Variants in PUM2 observed in about 807,000 individuals in gnomAD.
PUM2 encodes pumilio homolog 2.
Under a neutral mutation model 124.5 loss-of-function variants are expected in PUM2, and 57 were observed. The ratio of observed to expected loss-of-function variants is 0.46; its 90% confidence interval spans 0.37 to 0.57. The LOEUF is 0.57. Ranked by LOEUF, PUM2 falls within the 20% of genes least tolerant of loss-of-function variation. PUM2 has a pLI of 0.00. For missense variants in PUM2, 1,065 were observed against 1,290.6 expected (o/e 0.83, Z 2.68); for synonymous variants, 460 against 446.1 (o/e 1.03, Z -0.39).
intron 7 of PUM2, among the ~76,000 whole-genome samples, chr2:20,304,298 T>C (rs1211304412): frequency 2.0e-5 from 3 of 152,176 alleles, no homozygotes; most frequent in Non-Finnish European, 4.4e-5. Flanking sequence ...CTCTAGGAAC[T>C]CTCCAACCAA....
intron 13 of PUM2, among the ~76,000 whole-genome samples, chr2:20,265,325 G>A (rs1300718634): frequency 6.6e-6 from 1 of 151,798 alleles, no homozygotes; most frequent in Non-Finnish European, 1.5e-5. Context: ...TTCTTGTTTG[G>A]TCCAGTTATA....
At chr2:20,290,619 T>C (rs1202184812) in intron 10 of PUM2, 33 bp downstream of exon 10, 36 of 1,574,918 alleles carry the variant, frequency 2.3e-5, no homozygotes, top group Non-Finnish European at 3.0e-5. Context: ...ATCTGAAATC[T>C]ATTCAAATTT....
chr2:20,335,853 C>T (rs78195318), intron 1 of PUM2, among the ~76,000 whole-genome samples: 4,826 of 152,284 alleles, frequency 0.032, 252 homozygotes, highest in African/African-American at 0.11. Flanking sequence ...ATCATTTAGA[C>T]AAATCTATAT....
At chr2:20,318,970 T>C (rs547402469) in intron 2 of PUM2, among the ~76,000 whole-genome samples, 1 of 152,328 alleles carries the variant, frequency 6.6e-6, no homozygotes, top group African/African-American at 2.4e-5. Context: ...AATAAGCACA[T>C]CCATAGGAAT....
intron 2 of PUM2, among the ~76,000 whole-genome samples, chr2:20,326,018 C>A (rs753774906): frequency 6.6e-6 from 1 of 152,134 alleles, no homozygotes; most frequent in Non-Finnish European, 1.5e-5. Flanking sequence ...ATATGTTATT[C>A]TGCTTTTTAA....
intron 13 of PUM2, among the ~76,000 whole-genome samples, chr2:20,275,290 A>C (rs1206420371): frequency 6.6e-6 from 1 of 152,058 alleles, no homozygotes; most frequent in Admixed American, 6.6e-5. Flanking sequence ...AATTATCCCC[A>C]AAATCTACCC....
At chr2:20,308,798 G>T (rs1479349969) in intron 5 of PUM2, among the ~76,000 whole-genome samples, 1 of 151,786 alleles carries the variant, frequency 6.6e-6, no homozygotes, top group Non-Finnish European at 1.5e-5. Flanking sequence ...TATTATTAAT[G>T]ATTACTCCCT....
intron 12 of PUM2, among the ~76,000 whole-genome samples, chr2:20,280,480 A>T (rs1671256841): frequency 6.6e-6 from 1 of 151,380 alleles, no homozygotes; most frequent in Non-Finnish European, 1.5e-5. Flanking sequence ...TTTCTAAAAT[A>T]TGGCTACATT....
chr2:20,348,582 T>C (rs889253817), intron 1 of PUM2, among the ~76,000 whole-genome samples: 1 of 152,226 alleles, frequency 6.6e-6, no homozygotes, highest in Non-Finnish European at 1.5e-5. Context: ...ATTACTTTTG[T>C]TAACTAAGAT....
chr2:20,350,384 C>G (rs944495793), intron 1 of PUM2: 5 of 783,424 alleles, frequency 6.4e-6, no homozygotes, highest in Non-Finnish European at 7.7e-6. Flanking sequence ...GCCGGCGCGG[C>G]GCCCCCTCCC....
At chr2:20,291,838 T>C (rs1004796374) in intron 9 of PUM2, among the ~76,000 whole-genome samples, 4 of 152,144 alleles carry the variant, frequency 2.6e-5, no homozygotes, top group African/African-American at 9.7e-5. Context: ...TGTCGCCCAT[T>C]TGGTGACCAT....
intron 3 of PUM2, among the ~76,000 whole-genome samples, chr2:20,313,214 G>A (rs565591712): frequency 1.3e-5 from 2 of 152,336 alleles, no homozygotes; most frequent in African/African-American, 2.4e-5. Context: ...ATTGGCAAAT[G>A]GGATCTAATT....
intron 2 of PUM2, chr2:20,326,236 C>G: frequency 7.7e-7 from 1 of 1,295,476 alleles, no homozygotes; most frequent in Non-Finnish European, 1.0e-6. Flanking sequence ...TTTGGCAATA[C>G]TTAAGCTTAA....
chr2:20,295,412 A>AG (rs992454770), intron 8 of PUM2, among the ~76,000 whole-genome samples: 2 of 152,174 alleles, frequency 1.3e-5, no homozygotes, highest in Admixed American at 6.5e-5. Flanking sequence ...TTGCATTCAA[A>AG]GGGGAAAAAA....
At chr2:20,332,918 A>C (rs1439969796) in intron 1 of PUM2, 1 of 152,178 alleles carries the variant, frequency 6.6e-6, no homozygotes, top group Non-Finnish European at 1.5e-5. Context: ...TGCATTATTA[A>C]GGCTCAAATC....
rs371869220 is a variant in PUM2, at chr2:20,275,830, A to C, written c.1957+2753T>G. On this transcript the variant is annotated intron_variant, in intron 13 of 20. Transcript: ENST00000361078. ...AAGTTTCTTCATCAAATAAATGGAAAGGGAAAAAAAAGATGAAGGAAAAAC... is the reference window on the plus strand; with the variant it reads ...AAGTTTCTTCATCAAATAAATGGAACGGGAAAAAAAAGATGAAGGAAAAAC... 9.1e-4 allele frequency among the ~76,000 whole-genome samples: 138 copies of C among 152,212 alleles called. No individual in the cohort carries two copies. In the Middle Eastern group the frequency reaches 0.02, roughly 23 times the overall value.
chr2:20,322,208 T>C (rs1682541632), intron 2 of PUM2, among the ~76,000 whole-genome samples: 2 of 152,128 alleles, frequency 1.3e-5, no homozygotes, highest in African/African-American at 4.8e-5. Context: ...CATGAGAAGA[T>C]ATAGATCTGA....
In PUM2 at chr2:20,350,813, A is replaced by T. The variant is rs1364165794; in HGVS notation, c.-235T>A. 1 of 979,940 alleles carries T rather than the reference A, an allele frequency of 1.0e-6. No homozygotes were observed. The highest frequency in any genetic ancestry group is 1.2e-6 in the Non-Finnish European group (1 of 826,764). 60.7% of individuals were successfully genotyped at this position (979,940 alleles called of 1,614,324 possible). ...AGGGTGAGACACAGAGACTCACAAC[A>T]ACATGGCTGCCACCGCCGCCTGCCC... is the stretch of plus-strand genomic sequence containing the variant. On this transcript the variant is annotated 5_prime_UTR_variant, in exon 1 of 21. An upstream open reading frame in the 5' UTR gains an earlier in-frame stop. Coordinates refer to ENST00000361078, the MANE Select transcript of PUM2 (RefSeq NM_015317.5).
intron 13 of PUM2, among the ~76,000 whole-genome samples, chr2:20,273,735 G>A (rs1243921857): frequency 6.6e-6 from 1 of 152,022 alleles, no homozygotes; most frequent in African/African-American, 2.4e-5. Context: ...GTTGAGAGTC[G>A]GGTGTGCTGC....
Sources: allele counts gnomAD v4.1 joint callset (sites outside exome capture counted in the v4.1 genomes callset), GRCh38; gene constraint gnomAD v4.1.1; transcripts MANE v1.5; gene names NCBI Gene and HGNC (gene_info 2026-07-23, HGNC 2026-07-21).